QTMAN: variants seen among roughly 807,000 people sequenced by gnomAD.
QTMAN encodes the protein tRNA-queuosine alpha-mannosyltransferase.
the QTMAN span, among the ~76,000 whole-genome samples, chr2:144,280,410 C>T: frequency 5.9e-5 from 9 of 152,142 alleles, no homozygotes; most frequent in Non-Finnish European, 4.4e-5. Flanking sequence ...TAAAATTACA[C>T]ACTAGCAAAA....
At chr2:144,125,281 A>G in the QTMAN span, among the ~76,000 whole-genome samples, 4 of 151,820 alleles carry the variant, frequency 2.6e-5, no homozygotes, top group Non-Finnish European at 4.4e-5. Context: ...CTGAGCATAC[A>G]TTTATGATTT....
At chr2:143,952,727 C>T in the QTMAN span, 10 of 1,191,744 alleles carry the variant, frequency 8.4e-6, no homozygotes, top group South Asian at 7.4e-5. Flanking sequence ...TAGCATGAAT[C>T]ATATATTAAA....
the QTMAN span, among the ~76,000 whole-genome samples, chr2:144,148,515 T>G: frequency 6.6e-6 from 1 of 151,790 alleles, no homozygotes; most frequent in Non-Finnish European, 1.5e-5. Flanking sequence ...TGGCAGTAAG[T>G]AGAAGAAAAA....
chr2:144,101,636 A>G, the QTMAN span, among the ~76,000 whole-genome samples: 1 of 152,138 alleles, frequency 6.6e-6, no homozygotes, highest in East Asian at 1.9e-4. Flanking sequence ...TCTCCAGGTT[A>G]AGTACCTCAA....
chr2:143,961,917 G>A, the QTMAN span, among the ~76,000 whole-genome samples: 2 of 152,122 alleles, frequency 1.3e-5, no homozygotes, highest in African/African-American at 4.8e-5. Context: ...ATTTGGGAGG[G>A]AAGGGTATCA....
the QTMAN span, chr2:144,178,817 C>A: frequency 1.2e-5 from 4 of 343,860 alleles, no homozygotes; most frequent in Admixed American, 4.3e-5. Flanking sequence ...CAACTGATGC[C>A]GGAAGAAAAA....
chr2:144,239,204 C>A, the QTMAN span, among the ~76,000 whole-genome samples: 1 of 151,012 alleles, frequency 6.6e-6, no homozygotes, highest in South Asian at 2.1e-4. Flanking sequence ...AAAGTGGATG[C>A]TACAAGCTAT....
the QTMAN span, among the ~76,000 whole-genome samples, chr2:144,104,022 A>C: frequency 1.3e-5 from 2 of 152,080 alleles, no homozygotes; most frequent in Non-Finnish European, 1.5e-5. Context: ...CCTGGGAAGC[A>C]GGGGTTGCAG....
At chr2:144,050,831 C>T in the QTMAN span, among the ~76,000 whole-genome samples, 2 of 151,816 alleles carry the variant, frequency 1.3e-5, no homozygotes, top group Admixed American at 1.3e-4. Flanking sequence ...AGTTGTTATA[C>T]TATATTTTTT....
At chr2:144,122,588 T>C in the QTMAN span, among the ~76,000 whole-genome samples, 7 of 152,166 alleles carry the variant, frequency 4.6e-5, no homozygotes, top group Non-Finnish European at 1.0e-4. Flanking sequence ...TATTATGTTC[T>C]ATCTGGTCAT....
chr2:144,166,263 A>C, the QTMAN span, among the ~76,000 whole-genome samples: 1 of 151,952 alleles, frequency 6.6e-6, no homozygotes, highest in African/African-American at 2.4e-5. Context: ...CCTCAAATCA[A>C]CCCAACCACA....
the QTMAN span, among the ~76,000 whole-genome samples, chr2:144,119,501 ACCT>A: frequency 6.6e-6 from 1 of 152,144 alleles, no homozygotes; most frequent in Non-Finnish European, 1.5e-5. Flanking sequence ...CTTCTGGTGT[ACCT>A]CATACAGATT....
At chr2:144,247,182 T>C in the QTMAN span, among the ~76,000 whole-genome samples, 1 of 152,210 alleles carries the variant, frequency 6.6e-6, no homozygotes, top group South Asian at 2.1e-4. Flanking sequence ...GTCTAGAGAA[T>C]GTAATGGGAG....
the QTMAN span, among the ~76,000 whole-genome samples, chr2:144,032,902 T>C: frequency 2.0e-5 from 3 of 152,102 alleles, no homozygotes; most frequent in Non-Finnish European, 4.4e-5. Flanking sequence ...CACTTAGCAT[T>C]GTGAAACTCA....
the QTMAN span, among the ~76,000 whole-genome samples, chr2:144,268,481 C>G: frequency 6.6e-6 from 1 of 152,328 alleles, no homozygotes; most frequent in African/African-American, 2.4e-5. Flanking sequence ...TCCTTCCTCT[C>G]TGCTCTCTAT....
At chr2:144,066,948 C>G in the QTMAN span, among the ~76,000 whole-genome samples, 1 of 152,222 alleles carries the variant, frequency 6.6e-6, no homozygotes, top group Non-Finnish European at 1.5e-5. Context: ...CTTTGGCTCT[C>G]GTCTTTGACG....
the QTMAN span, among the ~76,000 whole-genome samples, chr2:144,167,149 T>C: frequency 6.6e-6 from 1 of 152,240 alleles, no homozygotes; most frequent in Non-Finnish European, 1.5e-5. Context: ...GTGACATAGA[T>C]GTTTGATAAG....
chr2:144,103,245 G>A, the QTMAN span, among the ~76,000 whole-genome samples: 2 of 152,186 alleles, frequency 1.3e-5, no homozygotes, highest in Non-Finnish European at 2.9e-5. Context: ...CTGCCATTTT[G>A]TTAGTAGATG....
the QTMAN span, among the ~76,000 whole-genome samples, chr2:144,048,999 CAT>C: frequency 2.0e-5 from 3 of 152,242 alleles, no homozygotes; most frequent in East Asian, 5.8e-4. Flanking sequence ...TTGGGCAACA[CAT>C]GTTTTTAATA....
Sources: gnomAD v4.1 joint callset for allele counts (sites outside exome capture counted in the v4.1 genomes callset) on GRCh38, gnomAD v4.1.1 for gene constraint, MANE v1.5 for transcripts, NCBI Gene and HGNC (gene_info 2026-07-23, HGNC 2026-07-21) for gene names.